The following CSMD1 variants were observed in gnomAD, a reference collection of about 807,000 sequenced individuals.
CSMD1 encodes the protein CUB and Sushi multiple domains 1, also known as CUB and sushi domain-containing protein 1.
A neutral mutation model predicts 417.5 loss-of-function variants in CSMD1; 213 were observed. The observed-to-expected ratio is 0.51, with a 90% CI of 0.46 to 0.57. The LOEUF is 0.57. CSMD1 is among the 20% of genes least tolerant of loss of function. The pLI is 0.00. For synonymous variants in CSMD1, 2,862 were observed against 1,736.8 expected, an observed-to-expected ratio of 1.65 and a Z score of -16.11; for missense variants, 6,923 against 4,529.7, an observed-to-expected ratio of 1.53 and a Z score of -15.17.
intron 23 of CSMD1, among the ~76,000 whole-genome samples, chr8:3,327,128 G>A (rs894210870): frequency 2.7e-5 from 4 of 149,444 alleles, no homozygotes; most frequent in Non-Finnish European, 4.4e-5. Context: ...ATTAACACTT[G>A]ACATCTTTAC....
chr8:4,129,669 G>C (rs185325550), intron 3 of CSMD1, among the ~76,000 whole-genome samples: 1 of 152,110 alleles, frequency 6.6e-6, no homozygotes, highest in African/African-American at 2.4e-5. Flanking sequence ...CCAATGTTCT[G>C]AAATCACCTA....
In CSMD1 at chr8:3,829,569, G is replaced by A. The variant is rs191933356; in HGVS notation, c.819-75527C>T. On this transcript the variant is annotated intron_variant, in intron 5 of 69. Transcript: ENST00000635120. ...GAGAGTTGCTACTCTTTTCCCTGCT[G>A]TAACCTCCAGTACTTAGAATAATGA... Among the ~76,000 whole-genome samples the A allele has an allele frequency of 8.3e-4, 126 of 152,248 alleles. 1 individual carries two copies. Among genetic ancestry groups the A allele is most frequent in the South Asian group, 3.1e-3 (15 of 4,820 alleles).
chr8:4,384,435 A>G (rs1369724970), intron 3 of CSMD1, among the ~76,000 whole-genome samples: 1 of 152,188 alleles, frequency 6.6e-6, no homozygotes, highest in African/African-American at 2.4e-5. Flanking sequence ...AATACATTCT[A>G]AACACTTGCT....
At chr8:4,514,508 G>A (rs1803009418) in intron 2 of CSMD1, among the ~76,000 whole-genome samples, 1 of 152,172 alleles carries the variant, frequency 6.6e-6, no homozygotes. Flanking sequence ...AATCAACGAA[G>A]AGGGAACATC....
intron 3 of CSMD1, among the ~76,000 whole-genome samples, chr8:4,242,524 T>G (rs914446323): frequency 6.6e-6 from 1 of 152,368 alleles, no homozygotes; most frequent in Admixed American, 6.5e-5. Context: ...ATCTTAAAAA[T>G]GTTCTTAACT....
intron 3 of CSMD1, among the ~76,000 whole-genome samples, chr8:4,048,537 A>G (rs1798264980): frequency 6.6e-6 from 1 of 152,196 alleles, no homozygotes; most frequent in Non-Finnish European, 1.5e-5. Flanking sequence ...AGGTTTATAA[A>G]CCAAGTAAAA....
intron 2 of CSMD1, among the ~76,000 whole-genome samples, chr8:4,468,539 C>T (rs755619423): frequency 3.9e-5 from 6 of 152,170 alleles, no homozygotes; most frequent in Admixed American, 2.6e-4. Flanking sequence ...AAGGCATTTA[C>T]ACACTCTTGT....
At chr8:4,910,601 A>G (rs1585310772) in intron 1 of CSMD1, among the ~76,000 whole-genome samples, 1 of 152,054 alleles carries the variant, frequency 6.6e-6, no homozygotes, top group Non-Finnish European at 1.5e-5. Context: ...TAACCTAATC[A>G]CTTCCCAAAG....
chr8:3,753,410 C>T (rs923356158), intron 6 of CSMD1, among the ~76,000 whole-genome samples: 1 of 152,246 alleles, frequency 6.6e-6, no homozygotes, highest in African/African-American at 2.4e-5. Context: ...CAAGCTCTGT[C>T]CTAATGACTA....
At chr8:4,625,338 T>A (rs1026173796) in intron 2 of CSMD1, among the ~76,000 whole-genome samples, 8 of 152,134 alleles carry the variant, frequency 5.3e-5, no homozygotes, top group Admixed American at 5.2e-4. Flanking sequence ...CAATAGAGGG[T>A]CAAGTTTCAG....
chr8:4,617,833 C>A (rs1801561868), intron 2 of CSMD1, among the ~76,000 whole-genome samples: 1 of 152,148 alleles, frequency 6.6e-6, no homozygotes, highest in African/African-American at 2.4e-5. Context: ...TGAGTATATT[C>A]ATTGGAAGAG....
At chr8:4,295,372 ATCT>A (rs924783937) in intron 3 of CSMD1, among the ~76,000 whole-genome samples, 25 of 144,174 alleles carry the variant, frequency 1.7e-4, no homozygotes, top group African/African-American at 6.2e-4. Context: ...TTATATATGT[ATCT>A]TATTATACAC....
chr8:3,770,668 G>T (rs900080596), intron 5 of CSMD1, among the ~76,000 whole-genome samples: 1 of 152,182 alleles, frequency 6.6e-6, no homozygotes, highest in African/African-American at 2.4e-5. Flanking sequence ...CATCATGACT[G>T]ACTGTCGCCC....
intron 6 of CSMD1, among the ~76,000 whole-genome samples, 162 bp downstream of exon 6, chr8:3,753,768 T>G (rs1424971279): frequency 1.3e-5 from 2 of 152,244 alleles, no homozygotes; most frequent in Non-Finnish European, 2.9e-5. Context: ...TACTAATAAG[T>G]TCCCAGCTGT....
At chr8:3,998,818 T>G (rs1018680308) in intron 4 of CSMD1, among the ~76,000 whole-genome samples, 11 of 151,322 alleles carry the variant, frequency 7.3e-5, no homozygotes, top group African/African-American at 2.7e-4. Flanking sequence ...GCTTCTTTGT[T>G]ACATTTATTT....
intron 3 of CSMD1, among the ~76,000 whole-genome samples, chr8:4,190,551 T>TA (rs922642907): frequency 6.6e-6 from 1 of 151,978 alleles, no homozygotes; most frequent in Admixed American, 6.6e-5. Context: ...AGCTTTTTTT[T>TA]TTTTAACTGA....
intron 7 of CSMD1, among the ~76,000 whole-genome samples, chr8:3,688,094 A>C (rs555712145): frequency 6.6e-6 from 1 of 152,232 alleles, no homozygotes; most frequent in Admixed American, 6.5e-5. Context: ...GGCTGGAAAC[A>C]ATGACCACTT....
chr8:4,356,026 G>C (rs1438298542), intron 3 of CSMD1, among the ~76,000 whole-genome samples: 1 of 152,098 alleles, frequency 6.6e-6, no homozygotes, highest in African/African-American at 2.4e-5. Flanking sequence ...TAAGTTACTG[G>C]TGTTTGGGAG....
At chr8:4,217,826 G>T (rs928406011) in intron 3 of CSMD1, among the ~76,000 whole-genome samples, 1 of 152,102 alleles carries the variant, frequency 6.6e-6, no homozygotes, top group Non-Finnish European at 1.5e-5. Flanking sequence ...TCTCAAGTAA[G>T]ATTCAAATGC....
Sources: allele counts gnomAD v4.1 joint callset (sites outside exome capture counted in the v4.1 genomes callset), GRCh38; gene constraint gnomAD v4.1.1; transcripts MANE v1.5; gene names NCBI Gene and HGNC (gene_info 2026-07-23, HGNC 2026-07-21).